Variants in RNF150 observed in about 807,000 individuals in gnomAD.
RNF150 encodes the protein ring finger protein 150.
In RNF150, 24 loss-of-function variants were observed where a neutral mutation model predicts 39.3. That is an observed-to-expected ratio of 0.61 (90% CI 0.44 to 0.86). RNF150 has a LOEUF of 0.86. RNF150 is among the 40% of genes least tolerant of loss of function. The pLI is 0.00. For missense variants in RNF150, 502 were observed against 587.8 expected, an observed-to-expected ratio of 0.85 and a Z score of 1.51; for synonymous variants, 255 against 227.3, an observed-to-expected ratio of 1.12 and a Z score of -1.10.
chr4:140,924,494 A>T (rs1560970184), intron 5 of RNF150, among the ~76,000 whole-genome samples: 1 of 152,214 alleles, frequency 6.6e-6, no homozygotes, highest in East Asian at 1.9e-4. Context: ...AATACCCTGA[A>T]CAATAGGAAC....
chr4:140,989,036 T>G (rs1223708995), intron 1 of RNF150, among the ~76,000 whole-genome samples: 1 of 152,132 alleles, frequency 6.6e-6, no homozygotes, highest in Non-Finnish European at 1.5e-5. Flanking sequence ...TGTCCTCATT[T>G]GAAGCATTTT....
rs147936768 is a variant in RNF150 at position 141,146,608 on chromosome 4, T to C, written c.-6+66186A>G. Among the ~76,000 whole-genome samples the C allele has an allele frequency of 4.6e-5, 7 of 152,088 alleles. No homozygotes were observed. The East Asian group carries it at 9.7e-4, about 21-fold the overall frequency. ...GTCTCAGAAAAACTTGGGGAAGCCA[T>C]AATTGAAGAGTTTAAAAAAAAGAAA... is the stretch of plus-strand genomic sequence containing the variant. On this transcript the variant is annotated intron_variant, in intron 1 of 7. Transcript: ENST00000420921.
At chr4:141,076,339 A>G (rs1413924043) in intron 1 of RNF150, among the ~76,000 whole-genome samples, 1 of 152,208 alleles carries the variant, frequency 6.6e-6, no homozygotes, top group Non-Finnish European at 1.5e-5. Flanking sequence ...ATAAACAACT[A>G]GATCAGGATA....
chr4:140,919,390 T>A lies in RNF150; in HGVS notation c.987+6587A>T, dbSNP rs1337694297. ...CATCACAAGCATTCTTATACACCAA[T>A]AACAGACAAACAGAGAGCCAAATCA... On this transcript the variant is annotated intron_variant, in intron 5 of 6. Coordinates refer to ENST00000515673, the MANE Select transcript of RNF150 (RefSeq NM_020724.2). Among the ~76,000 whole-genome samples, 9 of 132,014 alleles carry A rather than the reference T, an allele frequency of 6.8e-5. 1 individual carries two copies. The highest frequency in any genetic ancestry group is 2.5e-4 in the African/African-American group (9 of 36,094). The allele number at this position is 132,014 out of a possible 152,430, so 86.6% of individuals were successfully genotyped here. A position where few individuals can be genotyped will look rare whatever the true frequency, so the allele number is the denominator to read the frequency against.
Position 140,915,350 on chromosome 4 carries a change from C to A in RNF150, c.988-3996G>T, listed in dbSNP as rs562262454. ...CTAATTGAGAAGGCTGTGAGCTTGC[C>A]CAGTGAGATGGAAAGTTTTAAGAAT... On this transcript the variant is annotated intron_variant, in intron 5 of 6. Transcript: ENST00000515673. Among the ~76,000 whole-genome samples the A allele has an allele frequency of 2.5e-4, 38 of 152,218 alleles. 1 individual carries two copies. The South Asian group carries it at 7.7e-3, about 31-fold the overall frequency.
At chr4:140,926,774 T>C (rs1731413092) in intron 4 of RNF150, among the ~76,000 whole-genome samples, 1 of 152,196 alleles carries the variant, frequency 6.6e-6, no homozygotes, top group Admixed American at 6.5e-5. Flanking sequence ...TTCTCTGAAC[T>C]TCGCTTGAAA....
chr4:140,999,968 A>G lies in RNF150; in HGVS notation c.485-32095T>C, dbSNP rs1417299603. On this transcript the variant is annotated intron_variant, in intron 1 of 6. Transcript: ENST00000515673. ...AAGAAGAAGAAGAAGAAGAAGAAGA[A>G]GAAGAAGAAAAGAAGAAAAGAAGAA... Among the ~76,000 whole-genome samples, 9 of 30,464 alleles carry G rather than the reference A, an allele frequency of 3.0e-4. No individual in the cohort carries two copies. The East Asian group carries it at 3.9e-3, about 13-fold the overall frequency. The allele number at this position is 30,464 out of a possible 152,430, so 20.0% of individuals were successfully genotyped here. A position where few individuals can be genotyped will look rare whatever the true frequency, so the allele number is the denominator to read the frequency against.
At chr4:140,967,916 T>G (rs1390744947) in intron 1 of RNF150, 43 bp from the exon 2 acceptor site, 2 of 1,582,736 alleles carry the variant, frequency 1.3e-6, no homozygotes, top group African/African-American at 2.7e-5. Flanking sequence ...GGTTAGGGGA[T>G]AAGATATGGG....
intron 1 of RNF150, among the ~76,000 whole-genome samples, chr4:141,177,476 TTC>T (rs35665766): frequency 0.81 from 114,705 of 142,188 alleles, 43,934 homozygotes; most frequent in East Asian, 0.85. Context: ...TATTGATTCT[TTC>T]TCTCTCTCTC....
At chr4:140,921,257 T>C (rs1270843093) in intron 5 of RNF150, among the ~76,000 whole-genome samples, 1 of 151,266 alleles carries the variant, frequency 6.6e-6, no homozygotes, top group Non-Finnish European at 1.5e-5. Context: ...AAGAATCAAA[T>C]AGACACAATA....
chr4:141,014,328 A>C (rs1049827282), intron 1 of RNF150, among the ~76,000 whole-genome samples: 1 of 152,186 alleles, frequency 6.6e-6, no homozygotes, highest in African/African-American at 2.4e-5. Flanking sequence ...CCTTCCACAT[A>C]CTTATTTCCG....
intron 5 of RNF150, among the ~76,000 whole-genome samples, chr4:140,923,074 T>A (rs1439289659): frequency 6.6e-6 from 1 of 150,626 alleles, no homozygotes; most frequent in Non-Finnish European, 1.5e-5. Flanking sequence ...GGACTTCACG[T>A]CTAAAACACC....
At chr4:141,062,773 C>A (rs1465511288) in intron 1 of RNF150, among the ~76,000 whole-genome samples, 1 of 152,154 alleles carries the variant, frequency 6.6e-6, no homozygotes. Context: ...ATGATCCTGT[C>A]ACCCAGGCAA....
intron 2 of RNF150, among the ~76,000 whole-genome samples, chr4:140,965,949 G>A (rs1020902668): frequency 1.3e-5 from 2 of 152,142 alleles, no homozygotes; most frequent in East Asian, 3.9e-4. Context: ...ATGTCAATTT[G>A]CTTTACTATA....
chr4:140,992,102 T>C (rs923564321), intron 1 of RNF150, among the ~76,000 whole-genome samples: 1 of 152,238 alleles, frequency 6.6e-6, no homozygotes, highest in African/African-American at 2.4e-5. Context: ...TATAAAACTT[T>C]AGTATACTTG....
intron 5 of RNF150, among the ~76,000 whole-genome samples, chr4:140,923,926 A>T (rs1361285027): frequency 3.3e-5 from 5 of 151,818 alleles, no homozygotes; most frequent in African/African-American, 1.2e-4. Flanking sequence ...AACAATGAGA[A>T]CACATGGACA....
intron 1 of RNF150, among the ~76,000 whole-genome samples, chr4:141,174,596 G>A (rs1727778290): frequency 6.6e-6 from 1 of 152,124 alleles, no homozygotes; most frequent in African/African-American, 2.4e-5. Context: ...AGATATTATT[G>A]GCTAGAAAGT....
At chr4:141,099,705 C>A (rs1281804703) in intron 1 of RNF150, among the ~76,000 whole-genome samples, 1 of 151,906 alleles carries the variant, frequency 6.6e-6, no homozygotes, top group African/African-American at 2.4e-5. Context: ...TTAGAGATGT[C>A]AGTCTGAACA....
At chr4:140,884,799 A>G (rs1288238770) in intron 6 of RNF150, among the ~76,000 whole-genome samples, 1 of 152,144 alleles carries the variant, frequency 6.6e-6, no homozygotes, top group Non-Finnish European at 1.5e-5. Flanking sequence ...AATATTAGAC[A>G]TCCCACTTTA....
Sources: allele counts gnomAD v4.1 joint callset (sites outside exome capture counted in the v4.1 genomes callset), GRCh38; gene constraint gnomAD v4.1.1; transcripts MANE v1.5; gene names NCBI Gene and HGNC (gene_info 2026-07-23, HGNC 2026-07-21).